The following CDK14 variants were observed in gnomAD, a reference collection of about 807,000 sequenced individuals.
The protein encoded by CDK14 is cyclin dependent kinase 14.
Under a neutral mutation model 60.7 loss-of-function variants are expected in CDK14, and 34 were observed. The ratio of observed to expected loss-of-function variants is 0.56; its 90% CI spans 0.43 to 0.75. CDK14 has a LOEUF of 0.75. CDK14 is among the 30% of genes least tolerant of loss of function. CDK14 has a pLI of 0.00. For synonymous variants in CDK14, 197 were observed against 203.7 expected (o/e 0.97, Z 0.28); for missense variants, 482 against 564.1 (o/e 0.85, Z 1.47).
chr7:90,601,293 T>A (rs936310019), intron 1 of CDK14, among the ~76,000 whole-genome samples: 5 of 152,248 alleles, frequency 3.3e-5, no homozygotes, highest in African/African-American at 1.2e-4. Flanking sequence ...AATAATGAGA[T>A]CTTGTGTTCT....
chr7:91,169,060 G>A (rs976355283), intron 14 of CDK14, among the ~76,000 whole-genome samples: 5 of 152,170 alleles, frequency 3.3e-5, no homozygotes, highest in Admixed American at 2.0e-4. Flanking sequence ...CGTTCATCTT[G>A]TGGATAATAA....
chr7:90,931,108 T>C (rs1359191668), intron 8 of CDK14, among the ~76,000 whole-genome samples: 2 of 152,214 alleles, frequency 1.3e-5, no homozygotes, highest in Non-Finnish European at 2.9e-5. Context: ...TATCAAAGAA[T>C]AGCTATAAAT....
At chr7:90,880,537 TG>T (rs962389632) in intron 6 of CDK14, among the ~76,000 whole-genome samples, 16 of 152,286 alleles carry the variant, frequency 1.1e-4, no homozygotes, top group African/African-American at 3.8e-4. Context: ...GCAGCCCAGA[TG>T]AGTGGGTTTC....
At chr7:91,043,412 G>A (rs1797144324) in intron 10 of CDK14, among the ~76,000 whole-genome samples, 1 of 152,226 alleles carries the variant, frequency 6.6e-6, no homozygotes, top group Non-Finnish European at 1.5e-5. Context: ...TGTTGCTAAA[G>A]TTTAGTACTG....
intron 11 of CDK14, among the ~76,000 whole-genome samples, chr7:91,062,795 A>G (rs1419977333): frequency 6.6e-6 from 1 of 152,026 alleles, no homozygotes; most frequent in Non-Finnish European, 1.5e-5. Context: ...ATACCCCACT[A>G]AGTATCTGGC....
intron 5 of CDK14, among the ~76,000 whole-genome samples, chr7:90,820,908 G>A (rs1166910377): frequency 1.3e-5 from 2 of 152,180 alleles, no homozygotes; most frequent in Non-Finnish European, 2.9e-5. Flanking sequence ...TTAACTGAAA[G>A]ATATCAGTTT....
intron 10 of CDK14, among the ~76,000 whole-genome samples, chr7:91,032,419 A>G (rs559620938): frequency 6.6e-6 from 1 of 152,326 alleles, no homozygotes; most frequent in East Asian, 1.9e-4. Context: ...CCTATAATCC[A>G]ACCTTATTTG....
At chr7:91,136,307 C>T (rs1460999856) in intron 14 of CDK14, among the ~76,000 whole-genome samples, 1 of 152,154 alleles carries the variant, frequency 6.6e-6, no homozygotes, top group Non-Finnish European at 1.5e-5. Context: ...ATAATCTACA[C>T]ATTTACAAAG....
chr7:91,149,159 A>G (rs1800751091), intron 14 of CDK14, among the ~76,000 whole-genome samples: 1 of 152,220 alleles, frequency 6.6e-6, no homozygotes. Context: ...GGAAGTAGTA[A>G]CAGATATGAG....
At chr7:91,160,692 A>T (rs944471211) in intron 14 of CDK14, among the ~76,000 whole-genome samples, 3 of 152,012 alleles carry the variant, frequency 2.0e-5, no homozygotes, top group Non-Finnish European at 4.4e-5. Flanking sequence ...CTCTGTTTCA[A>T]ACTCCTTTTA....
At chr7:90,781,960 A>C (rs1000962211) in intron 4 of CDK14, among the ~76,000 whole-genome samples, 3 of 152,134 alleles carry the variant, frequency 2.0e-5, no homozygotes, top group Admixed American at 2.0e-4. Context: ...GCAGAAAGTC[A>C]TTGGTAGCTT....
At chr7:90,698,290 G>A (rs1801708983) in intron 2 of CDK14, among the ~76,000 whole-genome samples, 1 of 151,920 alleles carries the variant, frequency 6.6e-6, no homozygotes, top group South Asian at 2.1e-4. Context: ...TGCAATGATA[G>A]CACAATAATG....
chr7:91,034,445 C>A (rs1480680092), intron 10 of CDK14, among the ~76,000 whole-genome samples: 1 of 151,922 alleles, frequency 6.6e-6, no homozygotes, highest in Non-Finnish European at 1.5e-5. Context: ...GAGACAGTAA[C>A]CTTCTAGCAG....
intron 12 of CDK14, among the ~76,000 whole-genome samples, chr7:91,091,477 A>G (rs1245107821): frequency 1.6e-5 from 2 of 126,346 alleles, no homozygotes; most frequent in African/African-American, 6.3e-5. Flanking sequence ...ATATATACAT[A>G]TATGTATATG....
At chr7:90,804,288 A>G (rs1325545391) in intron 5 of CDK14, among the ~76,000 whole-genome samples, 2 of 152,314 alleles carry the variant, frequency 1.3e-5, no homozygotes, top group East Asian at 1.9e-4. Context: ...GAGCTTTATA[A>G]TTAAAATAAT....
At chr7:90,938,291 C>A (rs1793815395) in intron 8 of CDK14, among the ~76,000 whole-genome samples, 1 of 152,154 alleles carries the variant, frequency 6.6e-6, no homozygotes, top group South Asian at 2.1e-4. Flanking sequence ...CCACTAAATC[C>A]TGTAGGTTTG....
intron 3 of CDK14, among the ~76,000 whole-genome samples, chr7:90,735,255 G>A (rs956737236): frequency 6.6e-6 from 1 of 152,206 alleles, no homozygotes; most frequent in Non-Finnish European, 1.5e-5. Context: ...GGTCCCCACT[G>A]AGAGGTGTCT....
chr7:90,768,593 A>G (rs965275247), intron 4 of CDK14, among the ~76,000 whole-genome samples: 1 of 152,176 alleles, frequency 6.6e-6, no homozygotes, highest in African/African-American at 2.4e-5. Flanking sequence ...ATCTGAAATG[A>G]GTGAATTGTC....
rs1793306256 is a variant in CDK14, at chr7:90,923,239, AG to A, written c.826+5516del. Among the ~76,000 whole-genome samples, 4 of 150,964 alleles carry A rather than the reference AG, an allele frequency of 2.6e-5. No homozygotes were observed. In the Admixed American group the frequency reaches 2.7e-4, roughly 10 times the overall value. On this transcript the variant is annotated intron_variant, in intron 8 of 14. Coordinates refer to ENST00000380050, the MANE Select transcript of CDK14 (RefSeq NM_001287135.2). ...ATTCTCCTGCCTCAGCCTCCCGAGTAGCTGGGACTACAGGCGCCCACCACCA... is the reference window on the plus strand; with the variant it reads ...ATTCTCCTGCCTCAGCCTCCCGAGTACTGGGACTACAGGCGCCCACCACCA...
Sources: allele counts gnomAD v4.1 joint callset (sites outside exome capture counted in the v4.1 genomes callset), GRCh38; gene constraint gnomAD v4.1.1; transcripts MANE v1.5; gene names NCBI Gene and HGNC (gene_info 2026-07-23, HGNC 2026-07-21).